The following TIMD4 variants were observed in gnomAD, a reference collection of about 807,000 sequenced individuals.
The protein encoded by TIMD4 is T cell immunoglobulin and mucin domain containing 4, also known as T-cell immunoglobulin and mucin domain-containing protein 4.
TIMD4 carries 31 observed loss-of-function variants against 41.2 expected under a neutral mutation model. The observed-to-expected ratio is 0.75, with a 90% CI of 0.57 to 1.01. The LOEUF (loss-of-function observed/expected upper bound fraction) is 1.01, where lower values mean the gene tolerates loss of function less well. Ranked by LOEUF, TIMD4 falls within the 50% of genes least tolerant of loss-of-function variation. The probability of loss-of-function intolerance (pLI) is 0.00; values close to 1 mark genes in which losing one functional copy is unlikely to be tolerated. For synonymous variants in TIMD4, 204 were observed against 177.1 expected, an observed-to-expected ratio of 1.15 and a Z score of -1.21; for missense variants, 479 against 472.5, an observed-to-expected ratio of 1.01 and a Z score of -0.13.
chr5:156,938,351 T>C (rs1759577784), intron 5 of TIMD4, among the ~76,000 whole-genome samples: 2 of 152,196 alleles, frequency 1.3e-5, no homozygotes, highest in African/African-American at 2.4e-5. Flanking sequence ...GTTAAACATA[T>C]GATTTCTTGA....
chr5:156,931,411 AT>A (rs911442307), intron 5 of TIMD4, among the ~76,000 whole-genome samples: 7 of 152,166 alleles, frequency 4.6e-5, no homozygotes, highest in African/African-American at 1.7e-4. Flanking sequence ...TCATGTTAAC[AT>A]TTTTTGCATG....
intron 5 of TIMD4, among the ~76,000 whole-genome samples, chr5:156,930,210 C>T: frequency 6.6e-6 from 1 of 152,172 alleles, no homozygotes; most frequent in Non-Finnish European, 1.5e-5. Flanking sequence ...GATACGCACG[C>T]CTCAGCCTCC....
Position 156,954,650 on chromosome 5 carries a change from C to G in TIMD4, c.165G>C (p.Gly55=), listed in dbSNP as rs200057009. Residue 55 remains glycine, a synonymous_variant, in exon 2 of 9, where the codon GGG becomes GGC. Transcript: ENST00000274532. ...AACCGGAGTAGGGGCACTGGTCTTT[C>G]CCCCAGCACATGCTGTTGCTGTTGT... The part of the protein sequence containing the change: ...WSHNSNSMCW[G]KDQCPYSGCK... The G allele has an allele frequency of 1.2e-6, 2 of 1,614,198 alleles. No individual in the cohort carries two copies. Among genetic ancestry groups the G allele is most frequent in the East Asian group, 4.5e-5 (2 of 44,872 alleles).
intron 3 of TIMD4, 125 bp from the exon 4 acceptor site, chr5:156,949,856 C>T: frequency 1.6e-6 from 1 of 619,868 alleles, no homozygotes; most frequent in Non-Finnish European, 3.0e-6. Flanking sequence ...CTTGCTCTAT[C>T]ACCCAGGCTG....
intron 4 of TIMD4, among the ~76,000 whole-genome samples, chr5:156,949,258 C>T (rs943520707): frequency 6.6e-6 from 1 of 152,128 alleles, no homozygotes; most frequent in Non-Finnish European, 1.5e-5. Context: ...ATTAGTAAAC[C>T]CCTCAGCAGT....
rs1759863348 is a variant in TIMD4, at chr5:156,951,754, G to A, written c.437C>T (p.Thr146Ile). The change falls in exon 3 of 9, where the codon ACA (threonine) becomes ATA (isoleucine). Residue 146 changes from threonine to isoleucine, a missense_variant. Physicochemically the swap from Thr to Ile is moderately conservative, Grantham distance 89. Coordinates refer to ENST00000274532, the MANE Select transcript of TIMD4 (RefSeq NM_138379.3). ...GGGGCTTGTTGTTGTTGTTCTGCGT[G>A]TGGTGGTGGTTGCTGTTCTGTGCGT... The part of the protein sequence containing the change: ...TTTHRTATTT[T>I]RRTTTTSPTT... The A allele has an allele frequency of 6.2e-7, 1 of 1,614,020 alleles. No homozygotes were observed. Among genetic ancestry groups the A allele is most frequent in the Non-Finnish European group, 8.5e-7 (1 of 1,180,036 alleles).
chr5:156,926,311 T>A lies in TIMD4; in HGVS notation c.846A>T (p.Ala282=), dbSNP rs1175097653. 1 of 1,613,652 alleles carries A rather than the reference T, an allele frequency of 6.2e-7. No homozygotes were observed. Among genetic ancestry groups the A allele is most frequent in the East Asian group, 2.2e-5 (1 of 44,860 alleles). The change falls in exon 6 of 9, where the codon GCA becomes GCT. Residue 282 remains alanine (A), a splice_region_variant and synonymous_variant. Transcript: ENST00000274532. ...TCTGCTCAGGAACTGCTGTATCAGA[T>A]GCTGGGAAGGAAAAGAGAAGAAAAT... The part of the protein sequence containing the change: ...SDSVSSPQPG[A]SDTAVPEQNK...
chr5:156,919,292 T>C lies in TIMD4; in HGVS notation c.*165A>G. The C allele has an allele frequency of 1.6e-6, 1 of 611,148 alleles. No individual in the cohort carries two copies. The highest frequency in any genetic ancestry group is 2.9e-6 in the Non-Finnish European group (1 of 339,658). The allele number at this position is 611,148 out of a possible 1,614,324, so 37.9% of individuals were successfully genotyped here. ...GATGATTAGAGCATGGACAGAGAAG[T>C]TGTGGTCTCTAAAGTACCCTTCATT... On this transcript the variant is annotated 3_prime_UTR_variant, in exon 9 of 9. Coordinates refer to ENST00000274532, the MANE Select transcript of TIMD4 (RefSeq NM_138379.3).
chr5:156,925,861 T>C (rs897795160), intron 6 of TIMD4, among the ~76,000 whole-genome samples: 4 of 152,210 alleles, frequency 2.6e-5, no homozygotes, highest in Non-Finnish European at 5.9e-5. Context: ...CTTTTCCTAG[T>C]CCATCTCTGC....
chr5:156,923,739 T>G (rs9885391), intron 6 of TIMD4, among the ~76,000 whole-genome samples: 2,165 of 149,538 alleles, frequency 0.014, 60 homozygotes, highest in African/African-American at 0.051. Flanking sequence ...AGAGACAGAG[T>G]CTCACTATTT....
chr5:156,950,587 T>G (rs1176629541), intron 3 of TIMD4, among the ~76,000 whole-genome samples: 1 of 152,212 alleles, frequency 6.6e-6, no homozygotes, highest in Non-Finnish European at 1.5e-5. Context: ...CAATTCTTAC[T>G]GCAGAATCAG....
At chr5:156,940,525 G>A (rs927790698) in intron 5 of TIMD4, among the ~76,000 whole-genome samples, 3 of 151,624 alleles carry the variant, frequency 2.0e-5, no homozygotes, top group Non-Finnish European at 4.4e-5. Context: ...ATCTCTGCCT[G>A]GCCGCCCATC....
At position 156,963,169 on chromosome 5, in the gene TIMD4, C is replaced by A. The variant is rs1679495416; in HGVS notation, c.30G>T (p.Leu10=). ...GGTAAAGCCACCAAAACTCAATCAT[C>A]AGCCAGAGAATGAGAGGTTCTTTGG... MSKEPLILW[L]MIEFWWLYLT... Residue 10 remains leucine (L), a synonymous_variant, in exon 1 of 9, where the codon CTG becomes CTT. Transcript: ENST00000274532. 6.2e-7 allele frequency: 1 copy of A among 1,614,066 alleles called. No homozygotes were observed. Among genetic ancestry groups the A allele is most frequent in the Non-Finnish European group, 8.5e-7 (1 of 1,180,008 alleles).
At chr5:156,926,528 C>G (rs1289091286) in intron 5 of TIMD4, among the ~76,000 whole-genome samples, 2 of 152,180 alleles carry the variant, frequency 1.3e-5, no homozygotes, top group East Asian at 3.9e-4. Context: ...GGGAACATCA[C>G]CATTTTACAG....
intron 5 of TIMD4, among the ~76,000 whole-genome samples, chr5:156,927,999 C>G (rs534652376): frequency 2.0e-5 from 3 of 152,112 alleles, no homozygotes; most frequent in South Asian, 2.1e-4. Context: ...AGCAGTTGAC[C>G]CCCTCAGAGT....
At chr5:156,948,233 C>G (rs572198213) in intron 5 of TIMD4, among the ~76,000 whole-genome samples, 183 bp downstream of exon 5, 130 of 151,314 alleles carry the variant, frequency 8.6e-4, no homozygotes, top group African/African-American at 2.9e-3. Flanking sequence ...GGCAAGCTGG[C>G]TCTAGAACTT....
intron 5 of TIMD4, among the ~76,000 whole-genome samples, chr5:156,938,754 A>T (rs1012981443): frequency 6.6e-6 from 1 of 152,218 alleles, no homozygotes; most frequent in East Asian, 1.9e-4. Context: ...GCAATTGCTC[A>T]TTTTGGGATT....
intron 1 of TIMD4, among the ~76,000 whole-genome samples, chr5:156,955,419 G>C (rs923501395): frequency 6.6e-6 from 1 of 152,188 alleles, no homozygotes; most frequent in Admixed American, 6.5e-5. Flanking sequence ...TACTTTGGGA[G>C]GCCGAGGCAG....
chr5:156,949,862 G>A (rs1759821031), intron 3 of TIMD4, 131 bp from the exon 4 acceptor site: 4 of 600,852 alleles, frequency 6.7e-6, no homozygotes, highest in African/African-American at 1.9e-5. Flanking sequence ...CTATCACCCA[G>A]GCTGGAGTGC....
Sources: allele counts gnomAD v4.1 joint callset (sites outside exome capture counted in the v4.1 genomes callset), GRCh38; gene constraint gnomAD v4.1.1; transcripts MANE v1.5; gene names NCBI Gene and HGNC (gene_info 2026-07-23, HGNC 2026-07-21).